The following DOCK2 variants were observed in gnomAD, a reference collection of about 807,000 sequenced individuals.
DOCK2 encodes the protein dedicator of cytokinesis 2.
A neutral mutation model predicts 248.9 loss-of-function variants in DOCK2; 87 were observed. That is an observed-to-expected ratio of 0.35 (90% CI 0.29 to 0.42). The LOEUF (loss-of-function observed/expected upper bound fraction) is 0.42. Among genes scored for constraint, DOCK2 ranks in the 10% least tolerant of loss-of-function variants. DOCK2 has a pLI of 1.00. For synonymous variants in DOCK2, 805 were observed against 821.6 expected (o/e 0.98, Z 0.35); for missense variants, 1,747 against 2,300.2 (o/e 0.76, Z 4.92).
intron 22 of DOCK2, among the ~76,000 whole-genome samples, chr5:169,721,234 C>T (rs932826865): frequency 3.3e-5 from 5 of 152,184 alleles, no homozygotes; most frequent in African/African-American, 1.2e-4. Flanking sequence ...TCTGTTATTC[C>T]TTGCTGTATC....
chr5:170,007,114 G>T (rs1013357087), intron 30 of DOCK2, among the ~76,000 whole-genome samples: 1 of 152,228 alleles, frequency 6.6e-6, no homozygotes, highest in African/African-American at 2.4e-5. Flanking sequence ...GGGCAGCAAT[G>T]ATGATGTTAT....
At chr5:170,009,044 T>C (rs1755177512) in intron 32 of DOCK2, among the ~76,000 whole-genome samples, 1 of 151,936 alleles carries the variant, frequency 6.6e-6, no homozygotes, top group African/African-American at 2.4e-5. Flanking sequence ...TCATGGGAAC[T>C]CACGTGCTCA....
At chr5:169,652,763 G>C (rs1757876112) in intron 1 of DOCK2, among the ~76,000 whole-genome samples, 1 of 152,138 alleles carries the variant, frequency 6.6e-6, no homozygotes, top group African/African-American at 2.4e-5. Context: ...AGGAAGGGAA[G>C]GAGATAAGTG....
At chr5:169,823,710 C>G (rs1321112878) in intron 26 of DOCK2, among the ~76,000 whole-genome samples, 4 of 152,172 alleles carry the variant, frequency 2.6e-5, no homozygotes, top group African/African-American at 9.7e-5. Flanking sequence ...AAAACTGGCA[C>G]AAGACAGGGA....
chr5:169,965,142 G>A (rs1777249530), intron 27 of DOCK2, among the ~76,000 whole-genome samples: 1 of 152,230 alleles, frequency 6.6e-6, no homozygotes. Context: ...ATGAGTGAAA[G>A]GGGAGGATTG....
At chr5:169,775,451 T>A (rs1316038218) in intron 25 of DOCK2, among the ~76,000 whole-genome samples, 1 of 152,206 alleles carries the variant, frequency 6.6e-6, no homozygotes, top group Non-Finnish European at 1.5e-5. Flanking sequence ...TTTTTTGAGA[T>A]AAGTCTCCCA....
chr5:169,801,103 G>T lies in DOCK2; in HGVS notation c.2555-1955G>T, dbSNP rs181906019. On this transcript the variant is annotated intron_variant, in intron 25 of 51. Coordinates refer to ENST00000520908, the MANE Select transcript of DOCK2 (RefSeq NM_004946.3). ...TTCTCCTGCCTCAGCCTCCTGAGTCGCTGGGATTACAGGTGCCTGCCACCA... is the reference window on the plus strand; with the variant it reads ...TTCTCCTGCCTCAGCCTCCTGAGTCTCTGGGATTACAGGTGCCTGCCACCA... Among the ~76,000 whole-genome samples, 4 of 143,784 alleles carry T rather than the reference G, an allele frequency of 2.8e-5. 1 individual carries two copies. The allele number at this position is 143,784 out of a possible 152,430, so 94.3% of individuals were successfully genotyped here. A position where few individuals can be genotyped will look rare whatever the true frequency, so the allele number is the denominator to read the frequency against.
intron 22 of DOCK2, among the ~76,000 whole-genome samples, chr5:169,741,987 A>AT (rs918991260): frequency 7.3e-5 from 11 of 151,234 alleles, no homozygotes; most frequent in South Asian, 2.1e-4. Context: ...TTTTTTAAAT[A>AT]TTTTTTTTAT....
intron 10 of DOCK2, among the ~76,000 whole-genome samples, chr5:169,697,451 T>C (rs1760700557): frequency 6.6e-6 from 1 of 152,174 alleles, no homozygotes; most frequent in Admixed American, 6.5e-5. Context: ...AGCTTTAATA[T>C]AGGTCACGTC....
At chr5:169,767,353 T>C (rs1297577054) in intron 25 of DOCK2, among the ~76,000 whole-genome samples, 1 of 152,348 alleles carries the variant, frequency 6.6e-6, no homozygotes, top group African/African-American at 2.4e-5. Context: ...ATTTACTCTG[T>C]TGATAGTTGC....
chr5:169,714,089 A>G lies in DOCK2; in HGVS notation c.1721A>G (p.His574Arg), dbSNP rs776981079. The G allele has an allele frequency of 5.0e-6, 8 of 1,613,708 alleles. No homozygotes were observed. Among genetic ancestry groups the G allele is most frequent in the Non-Finnish European group, 4.2e-6 (5 of 1,179,778 alleles). ...AYLTLPSYRH[H>R]VENKGATLSR... ...CTGACCCTTCCTTCTTATCGACACCATGTGGAAAACAAGGGGGCCACGCTG... is the reference window on the plus strand; with the variant it reads ...CTGACCCTTCCTTCTTATCGACACCGTGTGGAAAACAAGGGGGCCACGCTG... Residue 574 changes from histidine (H) to arginine (R), a missense_variant, in exon 18 of 52, where the codon CAT (histidine) becomes CGT (arginine). By Grantham distance (29) the His-to-Arg change is conservative (BLOSUM62 0). Around this residue, in one of 4 missense-constraint regions of DOCK2, gnomAD observed 858 missense variants for 1,183.5 expected, o/e 0.72. Transcript: ENST00000520908.
chr5:170,025,044 T>C (rs1364047779), intron 33 of DOCK2, among the ~76,000 whole-genome samples: 14 of 152,320 alleles, frequency 9.2e-5, no homozygotes, highest in Non-Finnish European at 1.3e-4. Flanking sequence ...AATGCACTTT[T>C]CTCCCCCTGC....
Position 169,761,511 on chromosome 5 carries a change from G to A in DOCK2, c.2448-8G>A, listed in dbSNP as rs1428656855. ...TGCTCTACCAGCTCCTATTTTTCCT[G>A]CCCTCAGCCAACTCCTGTATGAGTT... On this transcript the variant is annotated splice_polypyrimidine_tract_variant and splice_region_variant and intron_variant, in intron 24 of 51. Coordinates refer to ENST00000520908, the MANE Select transcript of DOCK2 (RefSeq NM_004946.3). 1 of 1,612,234 alleles carries A rather than the reference G, an allele frequency of 6.2e-7. No individual in the cohort carries two copies. The highest frequency in any genetic ancestry group is 2.2e-5 in the East Asian group (1 of 44,830).
chr5:169,734,516 CAG>C (rs1445576760), intron 22 of DOCK2, among the ~76,000 whole-genome samples: 1 of 152,136 alleles, frequency 6.6e-6, no homozygotes, highest in Non-Finnish European at 1.5e-5. Context: ...CAAAGAAAAT[CAG>C]AGTTTCCTTC....
At chr5:169,954,848 G>A (rs1442815124) in intron 27 of DOCK2, among the ~76,000 whole-genome samples, 1 of 152,228 alleles carries the variant, frequency 6.6e-6, no homozygotes, top group Non-Finnish European at 1.5e-5. Flanking sequence ...GCAAGTGTGT[G>A]TAACCCAATG....
At chr5:169,844,531 C>T (rs985659048) in intron 27 of DOCK2, among the ~76,000 whole-genome samples, 6 of 152,308 alleles carry the variant, frequency 3.9e-5, no homozygotes, top group African/African-American at 4.8e-5. Context: ...CTAAGTAACC[C>T]GGTGGGTGAC....
intron 1 of DOCK2, among the ~76,000 whole-genome samples, chr5:169,638,916 A>C (rs1757000323): frequency 6.6e-6 from 1 of 152,094 alleles, no homozygotes; most frequent in Non-Finnish European, 1.5e-5. Flanking sequence ...AAAAGCATCT[A>C]GAAGGGGAAC....
chr5:169,649,310 A>T (rs1757665863), intron 1 of DOCK2, among the ~76,000 whole-genome samples: 1 of 152,216 alleles, frequency 6.6e-6, no homozygotes, highest in African/African-American at 2.4e-5. Flanking sequence ...TCCATCTTGA[A>T]GGGTCACAGG....
At position 169,840,940 on chromosome 5, in the gene DOCK2, C is replaced by T. The variant is rs1283212884; in HGVS notation, c.2799+88C>T. ...CTGAAAAGGCAGATCACATTGAACTCCCAGCATTGATCATTGCTTTGTTTT... is the reference window on the plus strand; with the variant it reads ...CTGAAAAGGCAGATCACATTGAACTTCCAGCATTGATCATTGCTTTGTTTT... On this transcript the variant is annotated intron_variant, in intron 27 of 51. Transcript: ENST00000520908. 4.4e-6 allele frequency: 6 copies of T among 1,375,954 alleles called. No homozygotes were observed. The East Asian group carries it at 1.2e-4, about 29-fold the overall frequency. The allele number at this position is 1,375,954 out of a possible 1,614,324, so 85.2% of individuals were successfully genotyped here.
Sources: gnomAD v4.1 joint callset for allele counts (sites outside exome capture counted in the v4.1 genomes callset) on GRCh38, gnomAD v4.1.1 for gene constraint, gnomAD v4.1.1 regional missense constraint, MANE v1.5 for transcripts, NCBI Gene and HGNC (gene_info 2026-07-23, HGNC 2026-07-21) for gene names.